Variants in MAPK4 observed in about 807,000 individuals in gnomAD.
The protein encoded by MAPK4 is Erk3-related.
MAPK4 carries 22 observed loss-of-function variants against 47.7 expected under a neutral mutation model. That is an observed-to-expected ratio of 0.46 (90% CI 0.33 to 0.66). MAPK4 has a LOEUF of 0.66. Among genes scored for constraint, MAPK4 ranks in the 30% least tolerant of loss-of-function variants. The pLI is 0.02. For missense variants in MAPK4, 736 were observed against 831.7 expected, an observed-to-expected ratio of 0.88 and a Z score of 1.42; for synonymous variants, 390 against 365.7, an observed-to-expected ratio of 1.07 and a Z score of -0.76.
intron 2 of MAPK4, among the ~76,000 whole-genome samples, chr18:50,707,561 C>A (rs1273404886): frequency 7.6e-6 from 1 of 132,364 alleles, no homozygotes; most frequent in Non-Finnish European, 1.6e-5. Flanking sequence ...CAGAGTGAGC[C>A]TCTGTCTCAA....
intron 2 of MAPK4, among the ~76,000 whole-genome samples, chr18:50,703,038 T>C (rs1417931472): frequency 6.6e-6 from 1 of 152,170 alleles, no homozygotes; most frequent in Non-Finnish European, 1.5e-5. Context: ...TCCCTGTGAA[T>C]AGTGTGATCC....
chr18:50,667,621 G>A (rs752938884), intron 2 of MAPK4, among the ~76,000 whole-genome samples: 26 of 152,164 alleles, frequency 1.7e-4, no homozygotes, highest in Non-Finnish European at 3.2e-4. Context: ...GCTGCAGCGA[G>A]TGCCTTTGTG....
At chr18:50,634,617 G>A (rs1219125256) in intron 1 of MAPK4, among the ~76,000 whole-genome samples, 1 of 152,100 alleles carries the variant, frequency 6.6e-6, no homozygotes, top group Non-Finnish European at 1.5e-5. Flanking sequence ...TTCCCCATAG[G>A]CATAAGAGGT....
At chr18:50,606,535 C>A (rs922793921) in intron 1 of MAPK4, among the ~76,000 whole-genome samples, 2 of 152,108 alleles carry the variant, frequency 1.3e-5, no homozygotes, top group African/African-American at 2.4e-5. Context: ...TGCTATCTAC[C>A]AAATATTTCT....
chr18:50,691,432 G>A (rs1909211753), intron 2 of MAPK4, among the ~76,000 whole-genome samples: 1 of 152,128 alleles, frequency 6.6e-6, no homozygotes, highest in South Asian at 2.1e-4. Flanking sequence ...TGACTTAACT[G>A]GAGGCACAAA....
intron 1 of MAPK4, among the ~76,000 whole-genome samples, chr18:50,639,345 C>T (rs2042918510): frequency 1.3e-5 from 2 of 152,168 alleles, no homozygotes; most frequent in Admixed American, 6.5e-5. Context: ...AGTTTGCATC[C>T]TGAAAAACCC....
At chr18:50,707,178 C>T (rs762302954) in intron 2 of MAPK4, among the ~76,000 whole-genome samples, 10 of 152,152 alleles carry the variant, frequency 6.6e-5, no homozygotes, top group Non-Finnish European at 1.5e-4. Context: ...CAAACCCATA[C>T]AGATAGAAAG....
rs569281259 is a variant in MAPK4, at chr18:50,708,195, C to T, written c.547-6884C>T. 2.6e-5 allele frequency among the ~76,000 whole-genome samples: 4 copies of T among 152,300 alleles called. No homozygotes were observed. The South Asian group carries it at 8.3e-4, about 32-fold the overall frequency. On this transcript the variant is annotated intron_variant, in intron 2 of 5. Transcript: ENST00000400384. ...TTATTCCTTTTTAAAAAAGGTTTCT[C>T]ACGTGCCTCATATGTACATTGGCAC...
chr18:50,573,645 T>C (rs1237908460), intron 1 of MAPK4, among the ~76,000 whole-genome samples: 3 of 152,312 alleles, frequency 2.0e-5, no homozygotes, highest in Non-Finnish European at 2.9e-5. Context: ...TACCCAGCCC[T>C]GTACACAGAA....
chr18:50,570,134 G>C (rs2042237037), intron 1 of MAPK4, among the ~76,000 whole-genome samples: 2 of 152,214 alleles, frequency 1.3e-5, no homozygotes, highest in South Asian at 4.1e-4. Context: ...AGACTGACAG[G>C]AGAGAAACAC....
chr18:50,613,429 C>A (rs1262310770), intron 1 of MAPK4, among the ~76,000 whole-genome samples: 2 of 152,190 alleles, frequency 1.3e-5, no homozygotes, highest in Admixed American at 1.3e-4. Flanking sequence ...CTGCCAACAA[C>A]CTGAATGAGC....
At chr18:50,616,044 T>C (rs2042681649) in intron 1 of MAPK4, among the ~76,000 whole-genome samples, 1 of 152,242 alleles carries the variant, frequency 6.6e-6, no homozygotes, top group South Asian at 2.1e-4. Context: ...CCAGGGGACC[T>C]TAGGATTCCT....
At position 50,663,864 on chromosome 18, in the gene MAPK4, C is replaced by T; in HGVS notation, c.-95C>T. ...CACATCCCTCAGCCGTGGGACTTGA[C>T]AGAATGAGGTGCGCGAGGGAGGCCG... On this transcript the variant is annotated 5_prime_UTR_variant, in exon 2 of 6. Coordinates refer to ENST00000400384, the MANE Select transcript of MAPK4 (RefSeq NM_002747.4). 9.1e-7 allele frequency: 1 copy of T among 1,102,218 alleles called. No individual in the cohort carries two copies. Among genetic ancestry groups the T allele is most frequent in the East Asian group, 2.4e-5 (1 of 41,904 alleles). 68.3% of individuals were successfully genotyped at this position (1,102,218 alleles called of 1,614,324 possible).
chr18:50,659,868 C>A (rs775027412), intron 1 of MAPK4, among the ~76,000 whole-genome samples: 2 of 152,154 alleles, frequency 1.3e-5, no homozygotes, highest in Non-Finnish European at 2.9e-5. Context: ...ACCTGTGATT[C>A]GGAGCAGCTC....
chr18:50,661,639 G>A (rs2043173062), intron 1 of MAPK4, among the ~76,000 whole-genome samples: 1 of 152,128 alleles, frequency 6.6e-6, no homozygotes, highest in African/African-American at 2.4e-5. Flanking sequence ...GGAATGCTCG[G>A]TAGAATGGTT....
At chr18:50,715,376 A>G (rs17662955) in intron 3 of MAPK4, among the ~76,000 whole-genome samples, 153 bp downstream of exon 3, 91,243 of 152,094 alleles carry the variant, frequency 0.6, 27,939 homozygotes, top group East Asian at 0.92. Flanking sequence ...GCACCTTATT[A>G]TATTGTCAGG....
At chr18:50,645,822 G>C (rs893885291) in intron 1 of MAPK4, among the ~76,000 whole-genome samples, 2 of 152,244 alleles carry the variant, frequency 1.3e-5, no homozygotes, top group Non-Finnish European at 2.9e-5. Flanking sequence ...CCACTTTCCA[G>C]ATGGGTATGT....
At chr18:50,587,519 G>A (rs1443349676) in intron 1 of MAPK4, among the ~76,000 whole-genome samples, 9 of 152,186 alleles carry the variant, frequency 5.9e-5, no homozygotes, top group African/African-American at 1.9e-4. Context: ...AAGGGCAAGA[G>A]TCAGAGCTGG....
At chr18:50,629,741 C>G (rs2042812260) in intron 1 of MAPK4, 1 of 152,168 alleles carries the variant, frequency 6.6e-6, no homozygotes, top group Non-Finnish European at 1.5e-5. Flanking sequence ...CTCAGAGGTT[C>G]TGTGTTAACC....
Sources: allele counts gnomAD v4.1 joint callset (sites outside exome capture counted in the v4.1 genomes callset), GRCh38; gene constraint gnomAD v4.1.1; transcripts MANE v1.5; gene names NCBI Gene and HGNC (gene_info 2026-07-23, HGNC 2026-07-21).